FOXN3: variants seen among roughly 807,000 people sequenced by gnomAD.
The protein encoded by FOXN3 is forkhead box N3, also known as forkhead box protein N3.
In FOXN3, 7 loss-of-function variants were observed where a neutral mutation model predicts 38.4. The observed-to-expected ratio is 0.18, with a 90% CI of 0.10 to 0.34. The LOEUF (loss-of-function observed/expected upper bound fraction) is 0.34. Ranked by LOEUF, FOXN3 falls within the 10% of genes least tolerant of loss-of-function variation. FOXN3 has a pLI of 1.00. For missense variants in FOXN3, 456 were observed against 613.4 expected (o/e 0.74, Z 2.71); for synonymous variants, 230 against 242.2 (o/e 0.95, Z 0.47).
intron 3 of FOXN3, among the ~76,000 whole-genome samples, chr14:89,313,388 T>G (rs1041240443): frequency 1.3e-5 from 2 of 152,062 alleles, no homozygotes; most frequent in African/African-American, 4.8e-5. Flanking sequence ...GTGAAACCCC[T>G]TCTCTCCTAA....
chr14:89,183,932 A>G (rs1887737972), intron 4 of FOXN3: 1 of 152,236 alleles, frequency 6.6e-6, no homozygotes, highest in African/African-American at 2.4e-5. Flanking sequence ...ATGGGGGACA[A>G]AAATGATATT....
intron 1 of FOXN3, among the ~76,000 whole-genome samples, chr14:89,435,124 A>G (rs1892249229): frequency 6.6e-6 from 1 of 152,164 alleles, no homozygotes; most frequent in Non-Finnish European, 1.5e-5. Context: ...GCTTATGACT[A>G]CAATCCCAAT....
intron 2 of FOXN3, among the ~76,000 whole-genome samples, chr14:89,366,676 CA>C (rs984853910): frequency 6.6e-6 from 1 of 152,118 alleles, no homozygotes; most frequent in African/African-American, 2.4e-5. Context: ...GTGGAGGGGG[CA>C]GCTGACAGCC....
intron 3 of FOXN3, among the ~76,000 whole-genome samples, chr14:89,287,749 T>TAAAAAAAAAAAA (rs58930677): frequency 7.7e-6 from 1 of 129,704 alleles, no homozygotes; most frequent in African/African-American, 2.9e-5. Context: ...TAAAGAATGC[T>TAAAAAAAAAAAA]AAAAAAAAAA....
chr14:89,316,318 T>C (rs952703287), intron 3 of FOXN3, among the ~76,000 whole-genome samples: 1 of 151,934 alleles, frequency 6.6e-6, no homozygotes, highest in South Asian at 2.1e-4. Flanking sequence ...CCACAAGGAA[T>C]AGAGATGAGC....
At chr14:89,237,220 T>C (rs1392671353) in intron 4 of FOXN3, among the ~76,000 whole-genome samples, 1 of 152,182 alleles carries the variant, frequency 6.6e-6, no homozygotes, top group Non-Finnish European at 1.5e-5. Flanking sequence ...ATGGCAAATA[T>C]GCACATGGAG....
At chr14:89,545,951 A>G (rs1282811546) in intron 1 of FOXN3, among the ~76,000 whole-genome samples, 1 of 152,256 alleles carries the variant, frequency 6.6e-6, no homozygotes, top group East Asian at 1.9e-4. Flanking sequence ...CTCTCCTACT[A>G]GGTATATGTG....
chr14:89,228,649 T>C (rs1393042208), intron 4 of FOXN3, among the ~76,000 whole-genome samples: 1 of 152,142 alleles, frequency 6.6e-6, no homozygotes, highest in South Asian at 2.1e-4. Context: ...AGATTAACTA[T>C]AGGAATAAAA....
chr14:89,258,607 C>A (rs1885700427), intron 4 of FOXN3, among the ~76,000 whole-genome samples: 1 of 152,342 alleles, frequency 6.6e-6, no homozygotes, highest in East Asian at 1.9e-4. Context: ...AAAACACCTA[C>A]ATCTTATTTG....
chr14:89,481,013 A>C (rs1893314973), intron 1 of FOXN3, among the ~76,000 whole-genome samples: 2 of 152,034 alleles, frequency 1.3e-5, no homozygotes, highest in Non-Finnish European at 2.9e-5. Context: ...GGGGAATTGC[A>C]ATACAGACTC....
chr14:89,574,207 C>A (rs1405668376), intron 1 of FOXN3, among the ~76,000 whole-genome samples: 1 of 151,200 alleles, frequency 6.6e-6, no homozygotes, highest in African/African-American at 2.5e-5. Flanking sequence ...CCAAAGCAGA[C>A]CCCCACCTCT....
chr14:89,278,407 A>G (rs1444222476), intron 4 of FOXN3, among the ~76,000 whole-genome samples: 5 of 152,172 alleles, frequency 3.3e-5, no homozygotes. Flanking sequence ...GACACAGCCA[A>G]ACCATATCCT....
chr14:89,478,805 G>A (rs556984622), intron 1 of FOXN3, among the ~76,000 whole-genome samples: 116 of 151,756 alleles, frequency 7.6e-4, no homozygotes, highest in African/African-American at 2.7e-3. Context: ...GGTGGTGCAC[G>A]CCTGTAATCC....
chr14:89,305,346 C>T (rs1002608342), intron 3 of FOXN3, among the ~76,000 whole-genome samples: 5 of 152,216 alleles, frequency 3.3e-5, no homozygotes, highest in East Asian at 1.9e-4. Flanking sequence ...GAGAAAAGGA[C>T]GCCTCTATGA....
At chr14:89,388,993 G>T (rs546014655) in intron 2 of FOXN3, among the ~76,000 whole-genome samples, 2 of 152,142 alleles carry the variant, frequency 1.3e-5, no homozygotes, top group South Asian at 4.2e-4. Context: ...CTGAGGCTCT[G>T]GGAAGAGAAC....
chr14:89,505,176 A>G (rs1893886498), intron 1 of FOXN3, among the ~76,000 whole-genome samples: 2 of 151,938 alleles, frequency 1.3e-5, no homozygotes, highest in South Asian at 4.2e-4. Context: ...TTTAGTTGTT[A>G]TTGTTGTTGT....
intron 1 of FOXN3, among the ~76,000 whole-genome samples, chr14:89,616,645 G>A (rs966276538): frequency 3.3e-5 from 5 of 150,454 alleles, no homozygotes; most frequent in African/African-American, 7.3e-5. Flanking sequence ...AACTTCCCCC[G>A]ATGAATCCTC....
chr14:89,284,646 TACA>T (rs1280354139), intron 3 of FOXN3: 3 of 447,380 alleles, frequency 6.7e-6, no homozygotes, highest in African/African-American at 6.0e-5. Flanking sequence ...GCAGAAACAA[TACA>T]ACGCCAGTGC....
intron 1 of FOXN3, among the ~76,000 whole-genome samples, chr14:89,571,246 C>T (rs955283535): frequency 3.9e-5 from 6 of 152,090 alleles, no homozygotes; most frequent in Non-Finnish European, 5.9e-5. Flanking sequence ...TGGTGGCTCA[C>T]GCCTGTAATC....
Sources: gnomAD v4.1 joint callset for allele counts (sites outside exome capture counted in the v4.1 genomes callset) on GRCh38, gnomAD v4.1.1 for gene constraint, MANE v1.5 for transcripts, NCBI Gene and HGNC (gene_info 2026-07-23, HGNC 2026-07-21) for gene names.